The following CSMD1 variants were observed in gnomAD, a reference collection of about 807,000 sequenced individuals.
CSMD1 encodes the protein CUB and Sushi multiple domains 1, also known as CUB and sushi domain-containing protein 1.
CSMD1 carries 213 observed loss-of-function variants against 417.5 expected under a neutral mutation model. The observed-to-expected ratio is 0.51, with a 90% CI of 0.46 to 0.57. CSMD1 has a LOEUF of 0.57. Ranked by LOEUF, CSMD1 falls within the 20% of genes least tolerant of loss-of-function variation. The probability of loss-of-function intolerance (pLI) is 0.00; values close to 1 mark genes in which losing one functional copy is unlikely to be tolerated. For missense variants in CSMD1, 6,923 were observed against 4,529.7 expected (o/e 1.53, Z -15.17); for synonymous variants, 2,862 against 1,736.8 (o/e 1.65, Z -16.11).
intron 6 of CSMD1, among the ~76,000 whole-genome samples, chr8:3,714,261 A>C (rs1450369762): frequency 6.6e-6 from 1 of 150,586 alleles, no homozygotes; most frequent in African/African-American, 2.5e-5. Context: ...CTCTAATTTA[A>C]TTTGTCTTAC....
At chr8:3,282,452 C>G (rs1182051994) in intron 26 of CSMD1, among the ~76,000 whole-genome samples, 1 of 152,262 alleles carries the variant, frequency 6.6e-6, no homozygotes, top group Admixed American at 6.5e-5. Context: ...ATAACTTTCT[C>G]AACTTTTTTG....
chr8:3,842,717 A>C (rs1369011601), intron 5 of CSMD1, among the ~76,000 whole-genome samples: 1 of 152,164 alleles, frequency 6.6e-6, no homozygotes, highest in Non-Finnish European at 1.5e-5. Flanking sequence ...AACCTGCAAA[A>C]AATGTGTCAA....
chr8:4,168,207 A>G (rs1797565484), intron 3 of CSMD1, among the ~76,000 whole-genome samples: 2 of 151,800 alleles, frequency 1.3e-5, no homozygotes, highest in African/African-American at 4.8e-5. Context: ...GTATATATAC[A>G]TATACACACA....
At chr8:4,352,185 C>A (rs904905103) in intron 3 of CSMD1, among the ~76,000 whole-genome samples, 1 of 152,080 alleles carries the variant, frequency 6.6e-6, no homozygotes, top group Non-Finnish European at 1.5e-5. Flanking sequence ...GTTCTCATTG[C>A]CTGGGATGAA....
rs201654398 is a variant in CSMD1 at position 3,671,252 on chromosome 8, ATATATG to A, written c.1009+37156_1009+37161del. Among the ~76,000 whole-genome samples the A allele has an allele frequency of 2.7e-3, 378 of 137,638 alleles. 5 individuals carry two copies. Among genetic ancestry groups the A allele is most frequent in the Non-Finnish European group, 4.0e-3 (249 of 62,018 alleles). The allele number at this position is 137,638 out of a possible 152,430, so 90.3% of individuals were successfully genotyped here. ...TATGGGATATATATGTGTGGGATATATATATGTATATATATATATATGATGTGCCTG... is the reference window on the plus strand; with the variant it reads ...TATGGGATATATATGTGTGGGATATATATATATATATATATGATGTGCCTG... On this transcript the variant is annotated intron_variant, in intron 7 of 69. Coordinates refer to ENST00000635120, the MANE Select transcript of CSMD1 (RefSeq NM_033225.6).
chr8:3,582,528 T>C (rs976799), intron 9 of CSMD1, among the ~76,000 whole-genome samples: 133,127 of 152,116 alleles, frequency 0.88, 58,622 homozygotes, highest in African/African-American at 0.92. Flanking sequence ...GTGTTGATGG[T>C]TTTTCATAGT....
chr8:4,871,791 T>C (rs1311701325), intron 1 of CSMD1, among the ~76,000 whole-genome samples: 1 of 152,132 alleles, frequency 6.6e-6, no homozygotes, highest in East Asian at 1.9e-4. Flanking sequence ...ATTTAGATTG[T>C]ACACTTTTGA....
At chr8:3,652,913 T>C (rs1261397867) in intron 7 of CSMD1, among the ~76,000 whole-genome samples, 2 of 152,162 alleles carry the variant, frequency 1.3e-5, no homozygotes, top group Non-Finnish European at 2.9e-5. Flanking sequence ...AATAAACGAA[T>C]GAATAAATGA....
At chr8:4,172,917 C>A (rs995916411) in intron 3 of CSMD1, among the ~76,000 whole-genome samples, 2 of 152,110 alleles carry the variant, frequency 1.3e-5, no homozygotes, top group Admixed American at 1.3e-4. Flanking sequence ...GTCCCAGCAA[C>A]AAGTTAACAG....
At position 4,032,049 on chromosome 8, in the gene CSMD1, G is replaced by T; in HGVS notation, c.466C>A (p.Leu156Met). 6.2e-7 allele frequency: 1 copy of T among 1,613,878 alleles called. No homozygotes were observed. Among genetic ancestry groups the T allele is most frequent in the Non-Finnish European group, 8.5e-7 (1 of 1,179,836 alleles). ...GNPGEILKGV[L>M]HGTRFNIGDK... ...CCTATGTTGAATCTCGTTCCATGCA[G>T]AACTCCTTTCAGGATTTCTCCAGGA... The change falls in exon 4 of 70, where the codon CTG (leucine) becomes ATG (methionine). Residue 156 changes from leucine (L) to methionine (M), a missense_variant. Leu to Met is a conservative substitution (Grantham distance 15). Transcript: ENST00000635120.
chr8:4,714,661 G>C (rs1195616941), intron 1 of CSMD1, among the ~76,000 whole-genome samples: 2 of 151,978 alleles, frequency 1.3e-5, no homozygotes, highest in South Asian at 2.1e-4. Flanking sequence ...AGACATACTT[G>C]TCTTTAATTT....
intron 3 of CSMD1, among the ~76,000 whole-genome samples, chr8:4,066,589 T>A (rs951684954): frequency 1.3e-5 from 2 of 152,234 alleles, no homozygotes; most frequent in Non-Finnish European, 2.9e-5. Flanking sequence ...GTAGTTCACG[T>A]GATTATACCC....
Position 3,653,236 on chromosome 8 carries a change from T to A in CSMD1, c.1010-36439A>T, listed in dbSNP as rs574058142. On this transcript the variant is annotated intron_variant, in intron 7 of 69. Coordinates refer to ENST00000635120, the MANE Select transcript of CSMD1 (RefSeq NM_033225.6). Reference sequence around the variant, plus strand: ...CAAACTTTTCTTATTTTTTACATTGTCTCATATAAATATCAAATAGATAAG... The same window carrying A: ...CAAACTTTTCTTATTTTTTACATTGACTCATATAAATATCAAATAGATAAG... Among the ~76,000 whole-genome samples, 44 of 152,208 alleles carry A rather than the reference T, an allele frequency of 2.9e-4. No homozygotes were observed. The East Asian group carries it at 7.9e-3, about 27-fold the overall frequency.
In CSMD1 at chr8:3,869,622, C is replaced by G. The variant is rs894157064; in HGVS notation, c.819-115580G>C. Among the ~76,000 whole-genome samples, 4 of 152,236 alleles carry G rather than the reference C, an allele frequency of 2.6e-5. No homozygotes were observed. In the East Asian group the frequency reaches 5.8e-4, roughly 22 times the overall value. On this transcript the variant is annotated intron_variant, in intron 5 of 69. Transcript: ENST00000635120. ...GTGAGAGAAAACATGCACTTTCTCA[C>G]CGCTGAGCTAACCTGGGGAAAGTTC...
intron 30 of CSMD1, among the ~76,000 whole-genome samples, chr8:3,212,452 G>GATCTTCCTACCTC (rs1338487858): frequency 6.6e-6 from 1 of 152,042 alleles, no homozygotes; most frequent in Non-Finnish European, 1.5e-5. Context: ...AGGCTCCAGC[G>GATCTTCCTACCTC]ATCCTCCTAC....
In CSMD1 at chr8:4,116,703, C is replaced by T. The variant is rs1228388009; in HGVS notation, c.416-84604G>A. On this transcript the variant is annotated intron_variant, in intron 3 of 69. Transcript: ENST00000635120. ...TGCAGGTGCCTGGATGGAACAAACG[C>T]GCCATGCAGCAGGGCAGGTGTTGCT... Among the ~76,000 whole-genome samples the T allele has an allele frequency of 2.0e-5, 3 of 152,116 alleles. No homozygotes were observed. The South Asian group carries it at 6.2e-4, about 32-fold the overall frequency.
intron 1 of CSMD1, among the ~76,000 whole-genome samples, chr8:4,833,119 G>T (rs1470220053): frequency 6.6e-6 from 1 of 152,042 alleles, no homozygotes; most frequent in Admixed American, 6.6e-5. Flanking sequence ...TCATTTATTC[G>T]TCATTCTGAG....
intron 2 of CSMD1, among the ~76,000 whole-genome samples, chr8:4,467,828 C>G (rs1800275128): frequency 6.6e-6 from 1 of 152,048 alleles, no homozygotes; most frequent in African/African-American, 2.4e-5. Flanking sequence ...TGGACAAACT[C>G]AATGAAATAA....
intron 3 of CSMD1, among the ~76,000 whole-genome samples, chr8:4,203,636 A>G (rs1410033114): frequency 6.6e-6 from 1 of 152,144 alleles, no homozygotes; most frequent in South Asian, 2.1e-4. Context: ...CTGGGGGTGG[A>G]CACTACACAC....
Sources: allele counts gnomAD v4.1 joint callset (sites outside exome capture counted in the v4.1 genomes callset), GRCh38; gene constraint gnomAD v4.1.1; transcripts MANE v1.5; gene names NCBI Gene and HGNC (gene_info 2026-07-23, HGNC 2026-07-21).